The following MUC5B variants were observed in gnomAD, a reference collection of about 807,000 sequenced individuals.
MUC5B encodes the protein mucin-5B.
Under a neutral mutation model 376.9 loss-of-function variants are expected in MUC5B, and 116 were observed. That is an observed-to-expected ratio of 0.31 (90% CI 0.26 to 0.36). The LOEUF (loss-of-function observed/expected upper bound fraction) is 0.36. Among genes scored for constraint, MUC5B ranks in the 10% least tolerant of loss-of-function variants. MUC5B has a pLI of 1.00. For missense variants in MUC5B, 7,165 were observed against 7,769.9 expected, an observed-to-expected ratio of 0.92 and a Z score of 2.93; for synonymous variants, 3,517 against 3,390.9, an observed-to-expected ratio of 1.04 and a Z score of -1.29.
Position 1,237,134 on chromosome 11 carries a change from C to A in MUC5B, c.3267C>A (p.His1089Gln), listed in dbSNP as rs557695122. 4.1e-6 allele frequency: 6 copies of A among 1,455,946 alleles called. No homozygotes were observed. The highest frequency in any genetic ancestry group is 5.5e-6 in the Non-Finnish European group (6 of 1,097,500). The allele number at this position is 1,455,946 out of a possible 1,614,324, so 90.2% of individuals were successfully genotyped here. A position where few individuals can be genotyped will look rare whatever the true frequency, so the allele number is the denominator to read the frequency against. Residue 1089 changes from histidine to glutamine, a missense_variant, in exon 25 of 49, where the codon CAC becomes CAA. Coordinates refer to ENST00000529681, the MANE Select transcript of MUC5B (RefSeq NM_002458.3). ...CCCAGAAGCAGTGCAGCATCCTCCA[C>A]GGCCCCACCTTCGCCGCCTGCCGCT... ...SWAQKQCSIL[H>Q]GPTFAACRSQ...
intron 11 of MUC5B, 79 bp from the exon 12 acceptor site, chr11:1,230,411 G>A: frequency 2.2e-6 from 3 of 1,346,926 alleles, no homozygotes; most frequent in Non-Finnish European, 2.0e-6. Context: ...TCCCCCACAT[G>A]GGCATCCCCA....
Position 1,250,778 on chromosome 11 carries a change from G to C in MUC5B, c.13898G>C (p.Ser4633Thr). The change falls in exon 31 of 49, where the codon AGT becomes ACT. Residue 4633 changes from serine (S) to threonine (T), a missense_variant. By Grantham distance (58) the Ser-to-Thr change is moderately conservative (BLOSUM62 1). Transcript: ENST00000529681. ...CCCACAACCACCACACCCACAACCAGTGGCTCCACGGTGACCCCCTCCTCC... is the reference window on the plus strand; with the variant it reads ...CCCACAACCACCACACCCACAACCACTGGCTCCACGGTGACCCCCTCCTCC... ...TTPTTTTPTTSGSTVTPSSIP... is the reference protein window; with the variant it reads ...TTPTTTTPTTTGSTVTPSSIP... 6.2e-7 allele frequency: 1 copy of C among 1,611,838 alleles called. No homozygotes were observed. Among genetic ancestry groups the C allele is most frequent in the South Asian group, 1.1e-5 (1 of 90,972 alleles).
chr11:1,239,382 A>C lies in MUC5B; in HGVS notation c.3455-56A>C, dbSNP rs569584138. 7.1e-6 allele frequency: 11 copies of C among 1,558,140 alleles called. 1 individual carries two copies. The South Asian group carries it at 9.6e-5, about 14-fold the overall frequency. On this transcript the variant is annotated intron_variant, in intron 26 of 48. Coordinates refer to ENST00000529681, the MANE Select transcript of MUC5B (RefSeq NM_002458.3). ...ACGCCCGGGGTAGGGGCTGCCCTGCACAACAGGGGTGAGGGCTGGTGGGCG... is the reference window on the plus strand; with the variant it reads ...ACGCCCGGGGTAGGGGCTGCCCTGCCCAACAGGGGTGAGGGCTGGTGGGCG...
In MUC5B at chr11:1,228,651, G is replaced by A. The variant is rs531601001; in HGVS notation, c.862G>A (p.Ala288Thr). 34 of 1,534,344 alleles carry A rather than the reference G, an allele frequency of 2.2e-5. No individual in the cohort carries two copies. The highest frequency in any genetic ancestry group is 1.9e-4 in the African/African-American group (14 of 73,090). The change falls in exon 8 of 49, where the codon GCC (alanine) becomes ACC (threonine). Residue 288 changes from alanine to threonine, a missense_variant. Ala to Thr is a moderately conservative substitution (Grantham distance 58). Transcript: ENST00000529681. ...VDSTAYLAAC[A>T]QDLCRCPTCP... ...CAGCACTGCGTACCTGGCCGCCTGC[G>A]CCCAGGACCTGTGCCGCTGCCCCAC...
chr11:1,256,447 C>T (rs1238165815), intron 38 of MUC5B, among the ~76,000 whole-genome samples: 2 of 150,774 alleles, frequency 1.3e-5, no homozygotes, highest in South Asian at 4.2e-4. Flanking sequence ...GCATCCCCAC[C>T]TGGCCCCGCC....
chr11:1,242,942 C>T lies in MUC5B; in HGVS notation c.6062C>T (p.Thr2021Ile), dbSNP rs749534170. Residue 2021 changes from threonine (T) to isoleucine (I), a missense_variant, in exon 31 of 49, where the codon ACA becomes ATA. Around this residue, in one of 31 missense-constraint regions of MUC5B, gnomAD observed 897 missense variants for 779.6 expected, o/e 1.15. Transcript: ENST00000529681. Reference sequence around the variant, plus strand: ...ACTCCAGAGACTGCCCACACCTCCACAGTGCTTACCGCCACGGCCACCACA... The same window carrying T: ...ACTCCAGAGACTGCCCACACCTCCATAGTGCTTACCGCCACGGCCACCACA... Reference protein sequence around the residue: ...SSTPETAHTSTVLTATATTTG... With the variant: ...SSTPETAHTSIVLTATATTTG... 1.2e-5 allele frequency: 19 copies of T among 1,613,010 alleles called. No individual in the cohort carries two copies. The highest frequency in any genetic ancestry group is 2.7e-5 in the African/African-American group (2 of 74,818).
chr11:1,257,819 G>C lies in MUC5B; in HGVS notation c.16450+109G>C. 7.5e-7 allele frequency: 1 copy of C among 1,332,056 alleles called. No individual in the cohort carries two copies. The highest frequency in any genetic ancestry group is 1.0e-6 in the Non-Finnish European group (1 of 994,774). The allele number at this position is 1,332,056 out of a possible 1,614,324, so 82.5% of individuals were successfully genotyped here. A position where few individuals can be genotyped will look rare whatever the true frequency, so the allele number is the denominator to read the frequency against. On this transcript the variant is annotated intron_variant, in intron 41 of 48. Coordinates refer to ENST00000529681, the MANE Select transcript of MUC5B (RefSeq NM_002458.3). The surrounding 1 kb of genome is among the most constrained non-coding windows in gnomAD (Gnocchi z 8.9). ...CAGGAGAGCAGAGGAGAGCCACTGT[G>C]TCCTGGCGTGACCGCGGCAGGACCA...
intron 25 of MUC5B, among the ~76,000 whole-genome samples, chr11:1,237,396 A>G (rs1258133153): frequency 6.6e-6 from 1 of 152,064 alleles, no homozygotes; most frequent in Non-Finnish European, 1.5e-5. Context: ...CACTCCTTTG[A>G]CCACAGCCTC....
intron 25 of MUC5B, 58 bp downstream of exon 25, chr11:1,237,222 G>T: frequency 2.3e-6 from 3 of 1,328,942 alleles, no homozygotes; most frequent in Non-Finnish European, 2.9e-6. Context: ...CTTCCTTCCC[G>T]CCGAGAACTG....
At chr11:1,239,709 T>TG (rs1174863651) in intron 27 of MUC5B, 90 bp from the exon 28 acceptor site, 4 of 1,493,498 alleles carry the variant, frequency 2.7e-6, no homozygotes, top group African/African-American at 1.4e-5. Context: ...TGCTGGCTGG[T>TG]GGGGGGCGGC....
Position 1,258,517 on chromosome 11 carries a change from A to G in MUC5B, c.16593+150A>G. The G allele has an allele frequency of 1.0e-6, 1 of 972,768 alleles. No individual in the cohort carries two copies. The allele number at this position is 972,768 out of a possible 1,614,324, so 60.3% of individuals were successfully genotyped here. On this transcript the variant is annotated intron_variant, in intron 43 of 48. Coordinates refer to ENST00000529681, the MANE Select transcript of MUC5B (RefSeq NM_002458.3). The surrounding 1 kb of genome is among the most constrained non-coding windows in gnomAD (Gnocchi z 5.5). ...GCCCTGGACACGTCAGAGCTGGGACATGCTTGGGACTCAGGGGCACCTTAC... is the reference window on the plus strand; with the variant it reads ...GCCCTGGACACGTCAGAGCTGGGACGTGCTTGGGACTCAGGGGCACCTTAC...
chr11:1,247,929 C>A lies in MUC5B; in HGVS notation c.11049C>A (p.Pro3683=), dbSNP rs1336252824. ...STPATSSTAT[P]SSTPGTTWIL... ...CGGCCACCAGCTCTACGGCCACGCC[C>A]TCCTCAACTCCGGGGACGACCTGGA... Residue 3683 remains proline, a synonymous_variant, in exon 31 of 49, where the codon CCC becomes CCA. Coordinates refer to ENST00000529681, the MANE Select transcript of MUC5B (RefSeq NM_002458.3). 4 of 1,611,274 alleles carry A rather than the reference C, an allele frequency of 2.5e-6. No individual in the cohort carries two copies. In the Admixed American group the frequency reaches 5.0e-5, roughly 20 times the overall value.
rs545021853 is a variant in MUC5B at position 1,223,205 on chromosome 11, C to T, written c.70+12C>T. ...GGTGCCGCAGGCAGGTAAGAGCCCC[C>T]CACTCCGCCCCCTCTCGATGCTGTC... On this transcript the variant is annotated intron_variant, in intron 1 of 48. Transcript: ENST00000529681. The T allele has an allele frequency of 2.8e-6, 2 of 710,462 alleles. No individual in the cohort carries two copies. The highest frequency in any genetic ancestry group is 5.2e-6 in the Non-Finnish European group (2 of 384,444). 44.0% of individuals were successfully genotyped at this position (710,462 alleles called of 1,614,324 possible).
In MUC5B at chr11:1,242,386, C is replaced by T; in HGVS notation, c.5506C>T (p.Pro1836Ser). 2 of 1,613,868 alleles carry T rather than the reference C, an allele frequency of 1.2e-6. No individual in the cohort carries two copies. Among genetic ancestry groups the T allele is most frequent in the South Asian group, 1.1e-5 (1 of 91,082 alleles). ...CATAGAGTGCCGGGCGGAGAACTAC[C>T]CCGAGGTAAGCATCGACCAGGTCGG... is the stretch of plus-strand genomic sequence containing the variant. ...KSIECRAENYPEVSIDQVGQV... is the reference protein window; with the variant it reads ...KSIECRAENYSEVSIDQVGQV... Residue 1836 changes from proline to serine, a missense_variant, in exon 31 of 49, where the codon CCC (proline) becomes TCC (serine). Coordinates refer to ENST00000529681, the MANE Select transcript of MUC5B (RefSeq NM_002458.3).
At position 1,241,237 on chromosome 11, in the gene MUC5B, G is replaced by A. The variant is rs56079125; in HGVS notation, c.4357G>A (p.Ala1453Thr). ...CTCCCTCAGTGCCAGCACGGAGCCTGCTGTGCCTACCCCAACCCAGACCAC... is the reference window on the plus strand; with the variant it reads ...CTCCCTCAGTGCCAGCACGGAGCCTACTGTGCCTACCCCAACCCAGACCAC... ...QPSLSASTEP[A>T]VPTPTQTTAT... The change falls in exon 31 of 49, where the codon GCT (alanine) becomes ACT (threonine). Residue 1453 changes from alanine (A) to threonine (T), a missense_variant. By Grantham distance (58) the Ala-to-Thr change is moderately conservative. Around this residue, in one of 31 missense-constraint regions of MUC5B, gnomAD observed 517 missense variants for 545.3 expected, o/e 0.95. Transcript: ENST00000529681. 1,015 of 1,591,926 alleles carry A rather than the reference G, an allele frequency of 6.4e-4. 10 individuals carry two copies. The African/African-American group carries it at 0.011, about 17-fold the overall frequency.
Position 1,241,173 on chromosome 11 carries a change from C to T in MUC5B, c.4293C>T (p.Pro1431=), listed in dbSNP as rs1407452910. Residue 1431 remains proline, a synonymous_variant, in exon 31 of 49, where the codon CCC becomes CCT. Transcript: ENST00000529681. ...GGGTTCTCTGCTGCGAATACGTGCC[C>T]TGTGGCCCCTCCCCGGCCCCAGGCA... The part of the protein sequence containing the change: ...ELRVLCCEYV[P]CGPSPAPGTS... The T allele has an allele frequency of 6.2e-7, 1 of 1,600,070 alleles. No individual in the cohort carries two copies. Among genetic ancestry groups the T allele is most frequent in the Non-Finnish European group, 8.5e-7 (1 of 1,173,722 alleles).
intron 23 of MUC5B, among the ~76,000 whole-genome samples, chr11:1,236,090 G>C (rs933526295): frequency 6.6e-6 from 1 of 152,210 alleles, no homozygotes; most frequent in African/African-American, 2.4e-5. Flanking sequence ...GTGTGAGGGC[G>C]TGGGGGCTGC....
Position 1,232,313 on chromosome 11 carries a change from C to G in MUC5B, c.1844-137C>G, listed in dbSNP as rs1208824263. ...GAGGAGGTGCTTGGGGCCAGGCGGC[C>G]AGAACCCCCCAAGGCGCAGCAGGTG... On this transcript the variant is annotated intron_variant, in intron 15 of 48. Coordinates refer to ENST00000529681, the MANE Select transcript of MUC5B (RefSeq NM_002458.3). The G allele has an allele frequency of 1.1e-5, 15 of 1,343,978 alleles. 1 individual carries two copies. Among genetic ancestry groups the G allele is most frequent in the Middle Eastern group, 2.1e-4 (1 of 4,874 alleles). The allele number at this position is 1,343,978 out of a possible 1,614,324, so 83.3% of individuals were successfully genotyped here. A position where few individuals can be genotyped will look rare whatever the true frequency, so the allele number is the denominator to read the frequency against.
Position 1,250,903 on chromosome 11 carries a change from G to T in MUC5B, c.14023G>T (p.Gly4675Cys). The change falls in exon 31 of 49, where the codon GGT becomes TGT. Residue 4675 changes from glycine (G) to cysteine (C), a missense_variant. Physicochemically the swap from Gly to Cys is radical, Grantham distance 159 (BLOSUM62 -3). Around this residue, in one of 31 missense-constraint regions of MUC5B, gnomAD observed 730 missense variants for 592.7 expected, o/e 1.23. Transcript: ENST00000529681. ...ACCCTCCTCTAGCACACAGACCAGT[G>T]GTACTCCCCCATCACTGACCACCAC... ...ATPSSSTQTSGTPPSLTTTAT... is the reference protein window; with the variant it reads ...ATPSSSTQTSCTPPSLTTTAT... The T allele has an allele frequency of 1.3e-6, 2 of 1,587,762 alleles. No individual in the cohort carries two copies. The highest frequency in any genetic ancestry group is 1.7e-6 in the Non-Finnish European group (2 of 1,167,302).
Sources: allele counts gnomAD v4.1 joint callset (sites outside exome capture counted in the v4.1 genomes callset), GRCh38; gene constraint gnomAD v4.1.1; regional missense constraint gnomAD v4.1.1; non-coding constraint Gnocchi (gnomAD v3.1); transcripts MANE v1.5; gene names NCBI Gene and HGNC (gene_info 2026-07-23, HGNC 2026-07-21).